Variants in NLRP12 observed in about 807,000 individuals in gnomAD.
The protein encoded by NLRP12 is NACHT, LRR and PYD domains-containing protein 12.
In NLRP12, 108 loss-of-function variants were observed where a neutral mutation model predicts 91.2. The observed-to-expected ratio is 1.18, with a 90% confidence interval of 1.01 to 1.39. The LOEUF is 1.39. NLRP12 is among the 40% of genes most tolerant of loss of function. The pLI is 0.00. For missense variants in NLRP12, 1,530 were observed against 1,352.7 expected (o/e 1.13, Z -2.06); for synonymous variants, 613 against 566.7 (o/e 1.08, Z -1.16).
At chr19:53,801,937 A>G (rs529859181) in intron 6 of NLRP12, among the ~76,000 whole-genome samples, 11 of 151,934 alleles carry the variant, frequency 7.2e-5, no homozygotes, top group African/African-American at 2.4e-4. Context: ...TACTAATAAT[A>G]CAAAATTAGA....
intron 8 of NLRP12, among the ~76,000 whole-genome samples, chr19:53,797,616 C>T (rs755661507): frequency 6.6e-6 from 1 of 151,918 alleles, no homozygotes; most frequent in Non-Finnish European, 1.5e-5. Flanking sequence ...GGTGTTTCAC[C>T]GTTTTGGCCA....
intron 5 of NLRP12, 147 bp from the exon 6 acceptor site, chr19:53,804,269 T>C: frequency 1.1e-6 from 1 of 894,208 alleles, no homozygotes; most frequent in South Asian, 1.5e-5. Context: ...ATCAACTCGC[T>C]GAAGCCTCGA....
chr19:53,816,687 T>C (rs1374178507), intron 1 of NLRP12, among the ~76,000 whole-genome samples: 1 of 151,764 alleles, frequency 6.6e-6, no homozygotes, highest in African/African-American at 2.4e-5. Context: ...ACGCAGGTGG[T>C]GGTAAAAATA....
chr19:53,811,090 T>G lies in NLRP12; in HGVS notation c.569A>C (p.Gln190Pro), dbSNP rs1568682856. 5 of 1,613,746 alleles carry G rather than the reference T, an allele frequency of 3.1e-6. No homozygotes were observed. Among genetic ancestry groups the G allele is most frequent in the Non-Finnish European group, 3.4e-6 (4 of 1,179,814 alleles). Residue 190 changes from glutamine to proline, a missense_variant, in exon 3 of 10, where the codon CAG becomes CCG. Transcript: ENST00000324134. ...GGTCTCTATCTTGATGGGGCTAGCC[T>G]GGTGTCCCACGGTCCTCGCGTGTCC... Reference protein sequence around the residue: ...GRGHARTVGHQASPIKIETLF... With the variant: ...GRGHARTVGHPASPIKIETLF...
chr19:53,795,796 T>C (rs199476248), intron 9 of NLRP12, 63 bp downstream of exon 9: 110 of 1,490,212 alleles, frequency 7.4e-5, no homozygotes, highest in Middle Eastern at 1.8e-4. Context: ...CCAGCTTATC[T>C]ACCCTCATGC....
intron 1 of NLRP12, among the ~76,000 whole-genome samples, chr19:53,820,998 T>G (rs1168937310): frequency 6.6e-6 from 1 of 150,782 alleles, no homozygotes; most frequent in African/African-American, 2.4e-5. Context: ...TATTATCTCT[T>G]GAGCTTATGC....
rs1291434689 is a variant in NLRP12 at position 53,824,244 on chromosome 19, AC to A, written c.-71del. 20 of 1,460,048 alleles carry A rather than the reference AC, an allele frequency of 1.4e-5. No homozygotes were observed. The highest frequency in any genetic ancestry group is 1.9e-5 in the Non-Finnish European group (20 of 1,052,816). 90.4% of individuals were successfully genotyped at this position (1,460,048 alleles called of 1,614,324 possible). A position where few individuals can be genotyped will look rare whatever the true frequency, so the allele number is the denominator to read the frequency against. Reference sequence around the variant, plus strand: ...GCTCCTATGCACGGGACACAGGGCGACCCCAGCACACCTTCCATTGCATCAT... The same window carrying A: ...GCTCCTATGCACGGGACACAGGGCGACCCAGCACACCTTCCATTGCATCAT... On this transcript the variant is annotated 5_prime_UTR_variant, in exon 1 of 10. It removes the in-frame stop codon of an upstream open reading frame in the 5' UTR. Coordinates refer to ENST00000324134, the MANE Select transcript of NLRP12 (RefSeq NM_144687.4).
At chr19:53,803,557 TAGGCCTTGGCA>T (rs1366535483) in intron 6 of NLRP12, among the ~76,000 whole-genome samples, 1 of 152,146 alleles carries the variant, frequency 6.6e-6, no homozygotes, top group Non-Finnish European at 1.5e-5. Context: ...CTTCCTGTTC[TAGGCCTTGGCA>T]GCCACTATTC....
In NLRP12 at chr19:53,809,608, G is replaced by A; in HGVS notation, c.2051C>T (p.Ala684Val). 4 of 1,611,970 alleles carry A rather than the reference G, an allele frequency of 2.5e-6. No individual in the cohort carries two copies. The highest frequency in any genetic ancestry group is 2.7e-5 in the African/African-American group (2 of 74,700). ...TTACAGCTGCACCAACAGCGTGTGC[G>A]CTCCTGCGGAGCACCTCGCGCGGTC... ...GEDRARCSAG[A>V]HTLLVQLPER... The change falls in exon 3 of 10, where the codon GCG (alanine) becomes GTG (valine). Residue 684 changes from alanine (A) to valine (V), a missense_variant. Ala to Val is a moderately conservative substitution (Grantham distance 64). Coordinates refer to ENST00000324134, the MANE Select transcript of NLRP12 (RefSeq NM_144687.4).
chr19:53,813,695 C>CT (rs199883226), intron 2 of NLRP12, among the ~76,000 whole-genome samples: 251 of 149,968 alleles, frequency 1.7e-3, no homozygotes, highest in African/African-American at 5.4e-3. Context: ...CCTCTCCCGC[C>CT]TTTTTTTTTG....
At chr19:53,809,357 C>G (rs1408028417) in intron 3 of NLRP12, among the ~76,000 whole-genome samples, 1 of 151,294 alleles carries the variant, frequency 6.6e-6, no homozygotes, top group African/African-American at 2.4e-5. Context: ...ATGGTGAAAC[C>G]CTGTCTCTAC....
At chr19:53,806,134 T>C (rs1022348964) in intron 4 of NLRP12, among the ~76,000 whole-genome samples, 1 of 152,028 alleles carries the variant, frequency 6.6e-6, no homozygotes, top group African/African-American at 2.4e-5. Context: ...ATCAGGAGGC[T>C]GAGGCAGGAG....
At position 53,809,880 on chromosome 19, in the gene NLRP12, C is replaced by G. The variant is rs1171712050; in HGVS notation, c.1779G>C (p.Gln593His). The G allele has an allele frequency of 6.2e-7, 1 of 1,614,028 alleles. No individual in the cohort carries two copies. Among genetic ancestry groups the G allele is most frequent in the Non-Finnish European group, 8.5e-7 (1 of 1,180,058 alleles). ...VSPHIKMDLL[Q>H]WIQSKAQSDG... is the part of the protein sequence containing the mutation. ...CGCTCTGAGCTTTGCTTTGGATCCA[C>G]TGCAACAGGTCCATCTTGATGTGCG... Residue 593 changes from glutamine to histidine, a missense_variant, in exon 3 of 10, where the codon CAG (glutamine) becomes CAC (histidine). By Grantham distance (24) the Gln-to-His change is conservative (BLOSUM62 0). Transcript: ENST00000324134.
In NLRP12 at chr19:53,800,583, C is replaced by A. The variant is rs1242345346; in HGVS notation, c.2756+644G>T. Among the ~76,000 whole-genome samples, 3 of 124,400 alleles carry A rather than the reference C, an allele frequency of 2.4e-5. No homozygotes were observed. In the East Asian group the frequency reaches 6.4e-4, roughly 27 times the overall value. 81.6% of individuals were successfully genotyped at this position (124,400 alleles called of 152,430 possible). A position where few individuals can be genotyped will look rare whatever the true frequency, so the allele number is the denominator to read the frequency against. On this transcript the variant is annotated intron_variant, in intron 7 of 9. Transcript: ENST00000324134. ...CAAAGGGCCGTGCGTCAGAAAACCCCCCCCTTTTTTTTTTTTGAGACGGAG... is the reference window on the plus strand; with the variant it reads ...CAAAGGGCCGTGCGTCAGAAAACCCACCCCTTTTTTTTTTTTGAGACGGAG...
At position 53,803,962 on chromosome 19, in the gene NLRP12, G is replaced by A. The variant is rs573629753; in HGVS notation, c.2575C>T (p.Arg859Trp). Residue 859 changes from arginine to tryptophan, a missense_variant, in exon 6 of 10, where the codon CGG (arginine) becomes TGG (tryptophan). Coordinates refer to ENST00000324134, the MANE Select transcript of NLRP12 (RefSeq NM_144687.4). ...CCAGGAAGAACTCACCACAAAGTCC[G>A]TAGTCTGCAGACTGGGTGCCTCAGT... ...QGLRHPVCRL[R>W]TLWLKICRLT... 154 of 1,613,984 alleles carry A rather than the reference G, an allele frequency of 9.5e-5. No homozygotes were observed. The highest frequency in any genetic ancestry group is 1.2e-4 in the Non-Finnish European group (139 of 1,179,922).
intron 2 of NLRP12, among the ~76,000 whole-genome samples, chr19:53,813,251 T>C (rs1395250462): frequency 6.8e-6 from 1 of 147,124 alleles, no homozygotes; most frequent in Admixed American, 6.7e-5. Flanking sequence ...TATTAACTCA[T>C]AATTTCTCCT....
At chr19:53,800,193 T>A (rs1288435078) in intron 7 of NLRP12, among the ~76,000 whole-genome samples, 1 of 152,026 alleles carries the variant, frequency 6.6e-6, no homozygotes, top group Non-Finnish European at 1.5e-5. Context: ...TAGTCCCAGC[T>A]ACTCGGGAGG....
In NLRP12 at chr19:53,795,917, C is replaced by G; in HGVS notation, c.3040G>C (p.Gly1014Arg). The change falls in exon 9 of 10, where the codon GGT becomes CGT. Residue 1014 changes from glycine (G) to arginine (R), a missense_variant. Coordinates refer to ENST00000324134, the MANE Select transcript of NLRP12 (RefSeq NM_144687.4). ...AGCCGCTTGCAAAGCAGTCGGACAC[C>G]TGTGTCCCCTAGGGCGTTGTTGGTC... ...YLTNNALGDTGVRLLCKRLSH... is the reference protein window; with the variant it reads ...YLTNNALGDTRVRLLCKRLSH... 1.2e-6 allele frequency: 2 copies of G among 1,614,032 alleles called. No individual in the cohort carries two copies. Among genetic ancestry groups the G allele is most frequent in the Non-Finnish European group, 1.7e-6 (2 of 1,179,912 alleles).
Position 53,795,922 on chromosome 19 carries a change from T to C in NLRP12, c.3035A>G (p.Asp1012Gly), listed in dbSNP as rs1400666519. Residue 1012 changes from aspartate (D) to glycine (G), a missense_variant, in exon 9 of 10, where the codon GAC (aspartate) becomes GGC (glycine). Coordinates refer to ENST00000324134, the MANE Select transcript of NLRP12 (RefSeq NM_144687.4). Reference sequence around the variant, plus strand: ...CTTGCAAAGCAGTCGGACACCTGTGTCCCCTAGGGCGTTGTTGGTCAGGTA... The same window carrying C: ...CTTGCAAAGCAGTCGGACACCTGTGCCCCCTAGGGCGTTGTTGGTCAGGTA... ...DLYLTNNALGDTGVRLLCKRL... is the reference protein window; with the variant it reads ...DLYLTNNALGGTGVRLLCKRL... 1 of 1,613,994 alleles carries C rather than the reference T, an allele frequency of 6.2e-7. No homozygotes were observed. Among genetic ancestry groups the C allele is most frequent in the African/African-American group, 1.3e-5 (1 of 74,914 alleles).
Sources: allele counts gnomAD v4.1 joint callset (sites outside exome capture counted in the v4.1 genomes callset), GRCh38; gene constraint gnomAD v4.1.1; transcripts MANE v1.5; gene names NCBI Gene and HGNC (gene_info 2026-07-23, HGNC 2026-07-21).